EHD4: variants seen among roughly 807,000 people sequenced by gnomAD.
EHD4 encodes the protein EH domain containing 4, also known as EH domain-containing protein 4.
EHD4 carries 37 observed loss-of-function variants against 51.0 expected under a neutral mutation model. The observed-to-expected ratio is 0.73, with a 90% CI of 0.56 to 0.95. The LOEUF (loss-of-function observed/expected upper bound fraction) is 0.95, where lower values mean the gene tolerates loss of function less well. EHD4 is among the 40% of genes least tolerant of loss of function. The probability of loss-of-function intolerance (pLI) is 0.00; values close to 1 mark genes in which losing one functional copy is unlikely to be tolerated. For missense variants in EHD4, 632 were observed against 733.1 expected, an observed-to-expected ratio of 0.86 and a Z score of 1.59; for synonymous variants, 297 against 317.3, an observed-to-expected ratio of 0.94 and a Z score of 0.68.
At chr15:41,931,136 T>C (rs535922561) in intron 3 of EHD4, among the ~76,000 whole-genome samples, 1 of 152,230 alleles carries the variant, frequency 6.6e-6, no homozygotes, top group Non-Finnish European at 1.5e-5. Context: ...TTTTTTGGAT[T>C]AGTCTCTATT....
chr15:41,945,766 T>C (rs992341993), intron 2 of EHD4, among the ~76,000 whole-genome samples: 1 of 152,232 alleles, frequency 6.6e-6, no homozygotes, highest in Non-Finnish European at 1.5e-5. Context: ...ATGCTTCTTC[T>C]CTGAGAAAGG....
At chr15:41,935,089 C>T (rs2067723131) in intron 3 of EHD4, among the ~76,000 whole-genome samples, 1 of 152,180 alleles carries the variant, frequency 6.6e-6, no homozygotes, top group Admixed American at 6.5e-5. Context: ...TCTGCCAGGT[C>T]TCACCTACTC....
chr15:41,948,915 G>A lies in EHD4; in HGVS notation c.413+4849C>T, dbSNP rs185713949. On this transcript the variant is annotated intron_variant, in intron 2 of 5. Transcript: ENST00000220325. Reference sequence around the variant, plus strand: ...ATGGTGACACACGCCTGTCGTCCCAGCAATCGGGAAGCTGAGGTGGGAGGA... The same window carrying A: ...ATGGTGACACACGCCTGTCGTCCCAACAATCGGGAAGCTGAGGTGGGAGGA... 3.3e-4 allele frequency among the ~76,000 whole-genome samples: 50 copies of A among 151,618 alleles called. No individual in the cohort carries two copies. In the East Asian group the frequency reaches 9.0e-3, roughly 27 times the overall value.
At chr15:41,948,255 A>G (rs923125401) in intron 2 of EHD4, among the ~76,000 whole-genome samples, 8 of 151,444 alleles carry the variant, frequency 5.3e-5, no homozygotes, top group African/African-American at 1.2e-4. Flanking sequence ...TCCGCCTCCA[A>G]AAAAAAAACC....
chr15:41,961,057 T>A (rs927941468), intron 1 of EHD4, among the ~76,000 whole-genome samples: 1 of 152,262 alleles, frequency 6.6e-6, no homozygotes, highest in Non-Finnish European at 1.5e-5. Flanking sequence ...CAGGACTGTT[T>A]GTTCAGATGA....
chr15:41,937,255 C>G (rs1288717345), intron 3 of EHD4, among the ~76,000 whole-genome samples: 3 of 152,222 alleles, frequency 2.0e-5, no homozygotes, highest in Non-Finnish European at 2.9e-5. Context: ...GCCACATGCA[C>G]AGCTTCCGTT....
intron 2 of EHD4, among the ~76,000 whole-genome samples, chr15:41,948,110 C>T (rs1016959364): frequency 2.0e-5 from 3 of 152,016 alleles, no homozygotes; most frequent in African/African-American, 4.8e-5. Context: ...AAAAATTAGC[C>T]GGGTGTGGTG....
intron 5 of EHD4, among the ~76,000 whole-genome samples, chr15:41,902,158 C>G (rs2067481766): frequency 6.6e-6 from 1 of 152,116 alleles, no homozygotes; most frequent in South Asian, 2.1e-4. Context: ...CCCAACCAGG[C>G]TGGGGCAGAC....
chr15:41,966,498 C>T (rs2067962845), intron 1 of EHD4, among the ~76,000 whole-genome samples: 2 of 152,262 alleles, frequency 1.3e-5, no homozygotes, highest in African/African-American at 2.4e-5. Context: ...CATTTCATGC[C>T]CCTGCCCCTA....
intron 1 of EHD4, among the ~76,000 whole-genome samples, chr15:41,963,194 C>T (rs2067937536): frequency 6.6e-6 from 1 of 152,036 alleles, no homozygotes; most frequent in African/African-American, 2.4e-5. Context: ...AAACCAGAGA[C>T]CCTTGTTCAC....
At chr15:41,907,012 C>T (rs1442713705) in intron 5 of EHD4, among the ~76,000 whole-genome samples, 3 of 152,184 alleles carry the variant, frequency 2.0e-5, no homozygotes, top group Non-Finnish European at 1.5e-5. Flanking sequence ...GCTCAGAGGA[C>T]CCTGGGTGTC....
Position 41,896,349 on chromosome 15 carries a change from C to T in EHD4, c.*4296G>A, listed in dbSNP as rs1426235945. 6.6e-6 allele frequency: 1 copy of T among 152,216 alleles called. No individual in the cohort carries two copies. Among genetic ancestry groups the T allele is most frequent in the Non-Finnish European group, 1.5e-5 (1 of 68,058 alleles). The allele number at this position is 152,216 out of a possible 1,614,324, so 9.4% of individuals were successfully genotyped here. A position where few individuals can be genotyped will look rare whatever the true frequency, so the allele number is the denominator to read the frequency against. On this transcript the variant is annotated 3_prime_UTR_variant, in exon 6 of 6. Coordinates refer to ENST00000220325, the MANE Select transcript of EHD4 (RefSeq NM_139265.4). ...CTCAGTGCCATTTATATTGTTGCATCAATAGGCTCATTTCTATATACTGCA... is the reference window on the plus strand; with the variant it reads ...CTCAGTGCCATTTATATTGTTGCATTAATAGGCTCATTTCTATATACTGCA...
chr15:41,913,037 C>T (rs1202560496), intron 4 of EHD4, among the ~76,000 whole-genome samples: 2 of 152,200 alleles, frequency 1.3e-5, no homozygotes, highest in African/African-American at 2.4e-5. Flanking sequence ...GACTTCTGCT[C>T]GTGCCTAATT....
intron 3 of EHD4, chr15:41,942,446 T>C (rs2067779478): frequency 6.6e-6 from 1 of 152,234 alleles, no homozygotes; most frequent in Admixed American, 6.5e-5. Context: ...GGTTTCACCA[T>C]GTTGGCCAGG....
At chr15:41,946,621 G>C (rs981260907) in intron 2 of EHD4, among the ~76,000 whole-genome samples, 2 of 152,198 alleles carry the variant, frequency 1.3e-5, no homozygotes, top group South Asian at 4.1e-4. Context: ...AGCTACTCAG[G>C]AGCCTGAGGT....
intron 2 of EHD4, among the ~76,000 whole-genome samples, chr15:41,945,461 G>A (rs184033748): frequency 2.6e-5 from 4 of 152,348 alleles, no homozygotes; most frequent in East Asian, 3.9e-4. Context: ...CGGGCAAAGC[G>A]AGGAGCCCAG....
At chr15:41,906,225 C>A (rs1448487540) in intron 5 of EHD4, among the ~76,000 whole-genome samples, 1 of 152,206 alleles carries the variant, frequency 6.6e-6, no homozygotes, top group African/African-American at 2.4e-5. Flanking sequence ...ACCTACCCTT[C>A]CCTAATTGTT....
At chr15:41,902,839 G>GTATA (rs10625943) in intron 5 of EHD4, among the ~76,000 whole-genome samples, 15 of 146,852 alleles carry the variant, frequency 1.0e-4, no homozygotes, top group East Asian at 2.0e-4. Flanking sequence ...ATATACATAT[G>GTATA]TATATATATA....
intron 3 of EHD4, among the ~76,000 whole-genome samples, chr15:41,934,940 T>G (rs1285199392): frequency 6.6e-6 from 1 of 152,162 alleles, no homozygotes. Flanking sequence ...AAGACAATCC[T>G]TCAGTGGCTT....
Sources: gnomAD v4.1 joint callset for allele counts (sites outside exome capture counted in the v4.1 genomes callset) on GRCh38, gnomAD v4.1.1 for gene constraint, MANE v1.5 for transcripts, NCBI Gene and HGNC (gene_info 2026-07-23, HGNC 2026-07-21) for gene names.